The following TMEM179B variants were observed in gnomAD, a reference collection of about 807,000 sequenced individuals.
TMEM179B encodes the protein transmembrane protein 179B.
A neutral mutation model predicts 18.0 loss-of-function variants in TMEM179B; 13 were observed. That is an observed-to-expected ratio of 0.72 (90% CI 0.47 to 1.15). TMEM179B has a LOEUF of 1.15. TMEM179B is among the 50% of genes most tolerant of loss of function. The pLI is 0.00. For synonymous variants in TMEM179B, 159 were observed against 117.5 expected (o/e 1.35, Z -2.29); for missense variants, 320 against 270.6 (o/e 1.18, Z -1.28).
intron 1 of TMEM179B, 85 bp from the exon 2 acceptor site, chr11:62,788,938 C>A: frequency 7.0e-7 from 1 of 1,421,476 alleles, no homozygotes. Flanking sequence ...CAGGACCATT[C>A]CTAAGTTATC....
rs2084304210 is a variant in TMEM179B, at chr11:62,787,709, G to T, written c.96+182G>T. 1.5e-5 allele frequency: 12 copies of T among 788,530 alleles called. No homozygotes were observed. The East Asian group carries it at 3.2e-4, about 21-fold the overall frequency. The allele number at this position is 788,530 out of a possible 1,614,324, so 48.8% of individuals were successfully genotyped here. Reference sequence around the variant, plus strand: ...TAATCGCGCTTTGTGGCTCCTCCTGGCCAGGTCATACTTCGAAGTTGTCCC... The same window carrying T: ...TAATCGCGCTTTGTGGCTCCTCCTGTCCAGGTCATACTTCGAAGTTGTCCC... On this transcript the variant is annotated intron_variant, in intron 1 of 4. Coordinates refer to ENST00000333449, the MANE Select transcript of TMEM179B (RefSeq NM_199337.3).
intron 4 of TMEM179B, 90 bp from the exon 5 acceptor site, chr11:62,789,795 TA>T: frequency 6.5e-7 from 1 of 1,539,314 alleles, no homozygotes; most frequent in Non-Finnish European, 8.8e-7. Context: ...GTTGTCAGCT[TA>T]AAATTCAGCA....
rs1173519683 is a variant in TMEM179B, at chr11:62,789,080, C to T, written c.154C>T (p.Leu52=). The part of the protein sequence containing the change: ...YGVATLNGSS[L]ALSRPSAPSL... ...TGTGGCCACCCTGAATGGCTCCTCC[C>T]TGGCCTTATCCCGTCCCTCAGCACC... Residue 52 remains leucine (L), a synonymous_variant, in exon 2 of 5, where the codon CTG becomes TTG. Coordinates refer to ENST00000333449, the MANE Select transcript of TMEM179B (RefSeq NM_199337.3). The T allele has an allele frequency of 6.2e-7, 1 of 1,614,234 alleles. No homozygotes were observed. The highest frequency in any genetic ancestry group is 1.3e-5 in the African/African-American group (1 of 75,066).
Position 62,789,026 on chromosome 11 carries a change from T to A in TMEM179B, c.100T>A (p.Ser34Thr). 1 of 1,611,072 alleles carries A rather than the reference T, an allele frequency of 6.2e-7. No homozygotes were observed. The highest frequency in any genetic ancestry group is 8.5e-7 in the Non-Finnish European group (1 of 1,177,756). ...ACTCAGCAGCTTCTCTCCACAGGGC[T>A]CCTTCAGTGGTAGATGTCCCCTGTA... ...AAAAMTRTQG[S>T]FSGRCPLYGV... The change falls in exon 2 of 5, where the codon TCC becomes ACC. Residue 34 changes from serine (S) to threonine (T), a missense_variant. Transcript: ENST00000333449.
rs1452745310 is a variant in TMEM179B at position 62,789,615 on chromosome 11, A to G, written c.434A>G (p.Gln145Arg). The change falls in exon 4 of 5, where the codon CAG becomes CGG. Residue 145 changes from glutamine (Q) to arginine (R), a missense_variant. Gln to Arg is a conservative substitution (Grantham distance 43). Transcript: ENST00000333449. ...LNTTISCSEA[Q>R]KIPWTPPGTA... Reference sequence around the variant, plus strand: ...TGACCTCACAGCTGTTCTGAAGCCCAGAAAATTCCATGGACACCCCCTGGA... The same window carrying G: ...TGACCTCACAGCTGTTCTGAAGCCCGGAAAATTCCATGGACACCCCCTGGA... The G allele has an allele frequency of 6.5e-7, 1 of 1,546,964 alleles. No homozygotes were observed. The highest frequency in any genetic ancestry group is 8.7e-7 in the Non-Finnish European group (1 of 1,150,558).
Position 62,790,104 on chromosome 11 carries a change from C to G in TMEM179B, c.*57C>G, listed in dbSNP as rs144162053. On this transcript the variant is annotated 3_prime_UTR_variant, in exon 5 of 5. Transcript: ENST00000333449. ...ACTCCATGCCCAAGTGCCTGTAATC[C>G]CCCCCCTCAAGGCCCTGTTTATGTT... 45 of 1,503,796 alleles carry G rather than the reference C, an allele frequency of 3.0e-5. No homozygotes were observed. Among genetic ancestry groups the G allele is most frequent in the Non-Finnish European group, 3.8e-5 (43 of 1,126,566 alleles). The allele number at this position is 1,503,796 out of a possible 1,614,324, so 93.2% of individuals were successfully genotyped here.
chr11:62,788,309 A>T (rs1016134190), intron 1 of TMEM179B, among the ~76,000 whole-genome samples: 1 of 152,216 alleles, frequency 6.6e-6, no homozygotes, highest in Admixed American at 6.5e-5. Context: ...AGGCTGAGGC[A>T]GGAGAATCGC....
chr11:62,787,970 G>A (rs985112058), intron 1 of TMEM179B: 19 of 471,190 alleles, frequency 4.0e-5, no homozygotes, highest in African/African-American at 9.9e-5. Flanking sequence ...CAAAATGAGA[G>A]ATGGAGAAAA....
chr11:62,789,120 T>A lies in TMEM179B; in HGVS notation c.194T>A (p.Phe65Tyr). The A allele has an allele frequency of 6.2e-7, 1 of 1,614,170 alleles. No homozygotes were observed. The highest frequency in any genetic ancestry group is 8.5e-7 in the Non-Finnish European group (1 of 1,180,034). The change falls in exon 2 of 5, where the codon TTT (phenylalanine) becomes TAT (tyrosine). Residue 65 changes from phenylalanine (F) to tyrosine (Y), a missense_variant. Phe to Tyr is a conservative substitution (Grantham distance 22). Transcript: ENST00000333449. ...SRPSAPSLCY[F>Y]VAGASGLLAL... Reference sequence around the variant, plus strand: ...CCCTCAGCACCATCCCTGTGCTACTTTGTAGCTGGGGCCTCTGGCCTCTTG... The same window carrying A: ...CCCTCAGCACCATCCCTGTGCTACTATGTAGCTGGGGCCTCTGGCCTCTTG...
intron 1 of TMEM179B, 51 bp downstream of exon 1, chr11:62,787,578 C>A (rs764360805): frequency 3.4e-6 from 5 of 1,469,018 alleles, no homozygotes; most frequent in Admixed American, 2.5e-5. Flanking sequence ...CCGGTCTGGA[C>A]ATGGCGAGGC....
intron 1 of TMEM179B, 35 bp from the exon 2 acceptor site, chr11:62,788,988 C>A: frequency 6.3e-7 from 1 of 1,586,198 alleles, no homozygotes; most frequent in Non-Finnish European, 8.6e-7. Flanking sequence ...GAGACATTAA[C>A]CTGAAATCTA....
Position 62,790,296 on chromosome 11 carries a change from A to T in TMEM179B, c.*249A>T, listed in dbSNP as rs554864117. 1,420 of 549,846 alleles carry T rather than the reference A, an allele frequency of 2.6e-3. 7 individuals are homozygous for T. The highest frequency in any genetic ancestry group is 7.1e-3 in the Middle Eastern group (15 of 2,126). 34.1% of individuals were successfully genotyped at this position (549,846 alleles called of 1,614,324 possible). A position where few individuals can be genotyped will look rare whatever the true frequency, so the allele number is the denominator to read the frequency against. On this transcript the variant is annotated 3_prime_UTR_variant, in exon 5 of 5. Transcript: ENST00000333449. Reference sequence around the variant, plus strand: ...ACAACTAGATAGGAGGAAGGAGTGAAGGCTAAGCAGACATGGACTGAAACT... The same window carrying T: ...ACAACTAGATAGGAGGAAGGAGTGATGGCTAAGCAGACATGGACTGAAACT...
chr11:62,789,309 G>A lies in TMEM179B; in HGVS notation c.302G>A (p.Arg101His), dbSNP rs770697657. ...CCTTTCAGAGGTGCTATAGGGCTGCGCATTGCACTGGCCATCTCAGCTATA... is the reference window on the plus strand; with the variant it reads ...CCTTTCAGAGGTGCTATAGGGCTGCACATTGCACTGGCCATCTCAGCTATA... ...EDSHRGAIGL[R>H]IALAISAIAV... The change falls in exon 3 of 5, where the codon CGC (arginine) becomes CAC (histidine). Residue 101 changes from arginine to histidine, a missense_variant. Arg to His is a conservative substitution (Grantham distance 29, BLOSUM62 0). Transcript: ENST00000333449. 1.9e-5 allele frequency: 31 copies of A among 1,613,850 alleles called. No homozygotes were observed. Among genetic ancestry groups the A allele is most frequent in the Admixed American group, 8.3e-5 (5 of 59,968 alleles).
chr11:62,789,873 C>T lies in TMEM179B; in HGVS notation c.499-13C>T. The T allele has an allele frequency of 6.2e-7, 1 of 1,610,690 alleles. No individual in the cohort carries two copies. ...GGTCCCACTCCTGACGATCCTGTCC[C>T]TGTCTCCTACAGACCTCTTCTTGGG... is the stretch of plus-strand genomic sequence containing the variant. On this transcript the variant is annotated splice_polypyrimidine_tract_variant and intron_variant, in intron 4 of 4. Coordinates refer to ENST00000333449, the MANE Select transcript of TMEM179B (RefSeq NM_199337.3).
rs1189944324 is a variant in TMEM179B, at chr11:62,789,966, A to AT, written c.580dup (p.Tyr194LeufsTer8). The AT allele has an allele frequency of 1.2e-6, 2 of 1,614,030 alleles. No individual in the cohort carries two copies. Among genetic ancestry groups the AT allele is most frequent in the Non-Finnish European group, 1.7e-6 (2 of 1,179,980 alleles). The stretch of plus-strand genomic sequence containing the variant: ...TGCAGTGGAAGTCTGAAGCCACCCC[A>AT]TACCGGCCTCTGGAGAGGGGTGACC... On this transcript the variant is annotated frameshift_variant, in exon 5 of 5. Transcript: ENST00000333449. LOFTEE classifies it low-confidence loss of function (END_TRUNC).
At position 62,787,436 on chromosome 11, in the gene TMEM179B, C is replaced by T. The variant is rs753849686; in HGVS notation, c.5C>T (p.Ala2Val). 3.8e-6 allele frequency: 6 copies of T among 1,565,742 alleles called. No homozygotes were observed. Among genetic ancestry groups the T allele is most frequent in the South Asian group, 3.4e-5 (3 of 87,524 alleles). The part of the protein sequence containing the change: M[A>V]LSWLQRVELA... ...CTTCCTGGTGGTCAGGGCGCCATGG[C>T]GCTGTCCTGGCTGCAGCGCGTCGAG... Residue 2 changes from alanine (A) to valine (V), a missense_variant, in exon 1 of 5, where the codon GCG becomes GTG. Coordinates refer to ENST00000333449, the MANE Select transcript of TMEM179B (RefSeq NM_199337.3).
intron 1 of TMEM179B, 57 bp downstream of exon 1, chr11:62,787,584 G>A (rs568969806): frequency 1.4e-6 from 2 of 1,462,360 alleles, no homozygotes; most frequent in South Asian, 1.4e-5. Flanking sequence ...TGGACATGGC[G>A]AGGCCACTTT....
rs866212287 is a variant in TMEM179B at position 62,789,782 on chromosome 11, G to A, written c.498+103G>A. On this transcript the variant is annotated intron_variant, in intron 4 of 4. Transcript: ENST00000333449. ...TGGCCTACCAGTGAGAGGAGCTGAAGGGGTTGTCAGCTTAAAATTCAGCAG... is the reference window on the plus strand; with the variant it reads ...TGGCCTACCAGTGAGAGGAGCTGAAAGGGTTGTCAGCTTAAAATTCAGCAG... 3.9e-6 allele frequency: 6 copies of A among 1,520,298 alleles called. No individual in the cohort carries two copies. In the Middle Eastern group the frequency reaches 8.8e-4, roughly 223 times the overall value. 94.2% of individuals were successfully genotyped at this position (1,520,298 alleles called of 1,614,324 possible).
intron 1 of TMEM179B, chr11:62,787,733 C>A: frequency 1.4e-6 from 1 of 700,180 alleles, no homozygotes; most frequent in Non-Finnish European, 2.4e-6. Context: ...CGAAGTTGTC[C>A]CCTCGCCAAA....
Sources: allele counts gnomAD v4.1 joint callset (sites outside exome capture counted in the v4.1 genomes callset), GRCh38; gene constraint gnomAD v4.1.1; transcripts MANE v1.5; gene names NCBI Gene and HGNC (gene_info 2026-07-23, HGNC 2026-07-21).